Variants in PLXDC2 observed in about 807,000 individuals in gnomAD.
PLXDC2 encodes plexin domain containing 2.
PLXDC2 carries 40 observed loss-of-function variants against 68.9 expected under a neutral mutation model. The observed-to-expected ratio is 0.58, with a 90% CI of 0.45 to 0.76. The LOEUF is 0.76. PLXDC2 is among the 30% of genes least tolerant of loss of function. The probability of loss-of-function intolerance (pLI) is 0.00; values close to 1 mark genes in which losing one functional copy is unlikely to be tolerated. For missense variants in PLXDC2, 644 were observed against 661.9 expected (o/e 0.97, Z 0.30); for synonymous variants, 243 against 234.2 (o/e 1.04, Z -0.34).
chr10:20,050,914 A>T (rs184098030), intron 3 of PLXDC2, among the ~76,000 whole-genome samples: 326 of 152,192 alleles, frequency 2.1e-3, no homozygotes, highest in Non-Finnish European at 3.9e-3. Flanking sequence ...AAATCATTCT[A>T]CCATAAAGAT....
intron 1 of PLXDC2, among the ~76,000 whole-genome samples, chr10:19,850,394 G>A (rs758592681): frequency 5.9e-5 from 9 of 151,550 alleles, no homozygotes; most frequent in African/African-American, 9.7e-5. Context: ...AAAAGTCTCC[G>A]TACTTCATAA....
intron 13 of PLXDC2, among the ~76,000 whole-genome samples, chr10:20,276,722 C>T (rs1836011279): frequency 1.3e-5 from 2 of 152,058 alleles, no homozygotes; most frequent in Admixed American, 1.3e-4. Context: ...AAAAAGAACA[C>T]AGATTTGGAA....
intron 3 of PLXDC2, among the ~76,000 whole-genome samples, chr10:20,049,336 C>T (rs1835852577): frequency 6.6e-6 from 1 of 152,054 alleles, no homozygotes; most frequent in Non-Finnish European, 1.5e-5. Flanking sequence ...TCTTATTCAA[C>T]ATAGTATTGG....
chr10:20,126,078 A>G (rs1289707667), intron 4 of PLXDC2, among the ~76,000 whole-genome samples: 2 of 148,036 alleles, frequency 1.4e-5, no homozygotes, highest in African/African-American at 4.9e-5. Flanking sequence ...TTAATAGTAT[A>G]TACACAGGCT....
chr10:20,277,931 G>GA lies in PLXDC2; in HGVS notation c.1474-1770dup, dbSNP rs547674541. Among the ~76,000 whole-genome samples, 6 of 152,278 alleles carry GA rather than the reference G, an allele frequency of 3.9e-5. No individual in the cohort carries two copies. In the South Asian group the frequency reaches 8.3e-4, roughly 21 times the overall value. On this transcript the variant is annotated intron_variant, in intron 13 of 13. Transcript: ENST00000377252. ...ATTCTTAGATCCCAGAAGTAAGTGA[G>GA]AACGTGTGATGTTTGTGCCTTTCTG...
At chr10:20,113,548 C>T (rs1380616426) in intron 4 of PLXDC2, among the ~76,000 whole-genome samples, 7 of 152,078 alleles carry the variant, frequency 4.6e-5, no homozygotes, top group African/African-American at 7.2e-5. Context: ...AGATAGACAG[C>T]GAATTATTCT....
chr10:20,176,957 G>A (rs777749119), intron 7 of PLXDC2, 42 bp from the exon 8 acceptor site: 65 of 1,407,684 alleles, frequency 4.6e-5, no homozygotes, highest in Non-Finnish European at 5.8e-5. Context: ...TTTTGTAAGC[G>A]AGGAAAGGTT....
chr10:19,908,988 C>T (rs1052769961), intron 1 of PLXDC2, among the ~76,000 whole-genome samples: 8 of 152,220 alleles, frequency 5.3e-5, no homozygotes, highest in South Asian at 2.1e-4. Flanking sequence ...AATAAAGTTC[C>T]GTCCAAGGAA....
chr10:19,931,277 A>G (rs1028958803), intron 1 of PLXDC2, among the ~76,000 whole-genome samples: 22 of 152,324 alleles, frequency 1.4e-4, no homozygotes, highest in African/African-American at 5.3e-4. Flanking sequence ...TTCAGCTTCC[A>G]GTGTGCACTC....
chr10:20,127,603 G>A (rs1447735524), intron 4 of PLXDC2, among the ~76,000 whole-genome samples: 3 of 152,132 alleles, frequency 2.0e-5, no homozygotes, highest in Non-Finnish European at 4.4e-5. Context: ...TCCAAAGGCA[G>A]CCCCCTCTTT....
chr10:20,046,104 G>A (rs1835793018), intron 2 of PLXDC2, among the ~76,000 whole-genome samples: 1 of 152,054 alleles, frequency 6.6e-6, no homozygotes, highest in East Asian at 1.9e-4. Flanking sequence ...AGCAGGCCCT[G>A]ATATAACCTT....
intron 2 of PLXDC2, among the ~76,000 whole-genome samples, chr10:20,005,050 A>C (rs533850860): frequency 3.3e-5 from 5 of 152,232 alleles, no homozygotes; most frequent in Admixed American, 3.3e-4. Flanking sequence ...GCAATTTCAG[A>C]GTTAGGTTTT....
In PLXDC2 at chr10:20,041,658, T is replaced by C. The variant is rs753317549; in HGVS notation, c.325-5211T>C. On this transcript the variant is annotated intron_variant, in intron 2 of 13. Transcript: ENST00000377252. ...CCCCTGCAATTTATGTGATGACTTT[T>C]GTCTTGTCAGCTTGAGATGCCTTAA... Among the ~76,000 whole-genome samples the C allele has an allele frequency of 4.9e-4, 75 of 152,198 alleles. 1 individual carries two copies. Among genetic ancestry groups the C allele is most frequent in the Non-Finnish European group, 7.8e-4 (53 of 68,036 alleles).
chr10:20,201,236 G>C (rs2131847939), intron 9 of PLXDC2, among the ~76,000 whole-genome samples: 1 of 152,162 alleles, frequency 6.6e-6, no homozygotes, highest in East Asian at 1.9e-4. Context: ...AAAGTAACAT[G>C]GATGGAACTG....
At chr10:20,240,850 A>G (rs1406652488) in intron 12 of PLXDC2, among the ~76,000 whole-genome samples, 1 of 152,192 alleles carries the variant, frequency 6.6e-6, no homozygotes, top group Non-Finnish European at 1.5e-5. Context: ...TGTGACACAA[A>G]GAAAGTCTTG....
chr10:20,247,956 G>A (rs939536733), intron 13 of PLXDC2, among the ~76,000 whole-genome samples: 13 of 152,146 alleles, frequency 8.5e-5, no homozygotes, highest in Admixed American at 1.3e-4. Context: ...AATGTGCTTC[G>A]TTTTCTTGGA....
intron 4 of PLXDC2, among the ~76,000 whole-genome samples, chr10:20,138,061 C>G (rs1315137210): frequency 6.6e-6 from 1 of 152,152 alleles, no homozygotes; most frequent in Admixed American, 6.6e-5. Flanking sequence ...GTTAACCTTT[C>G]TTAAATGTAC....
At chr10:19,953,109 A>G (rs990444654) in intron 1 of PLXDC2, among the ~76,000 whole-genome samples, 6 of 152,100 alleles carry the variant, frequency 3.9e-5, no homozygotes, top group African/African-American at 1.2e-4. Context: ...CAGGTGACCC[A>G]CCCACCTAGG....
intron 1 of PLXDC2, among the ~76,000 whole-genome samples, chr10:19,847,605 T>G (rs1255851043): frequency 1.3e-5 from 2 of 152,178 alleles, no homozygotes; most frequent in Admixed American, 6.5e-5. Context: ...CTCCGGGAAA[T>G]TCCATACACA....
Sources: allele counts gnomAD v4.1 joint callset (sites outside exome capture counted in the v4.1 genomes callset), GRCh38; gene constraint gnomAD v4.1.1; transcripts MANE v1.5; gene names NCBI Gene and HGNC (gene_info 2026-07-23, HGNC 2026-07-21).